Variants in FRMD4A observed in about 807,000 individuals in gnomAD.
FRMD4A encodes FERM domain containing 4A.
FRMD4A carries 29 observed loss-of-function variants against 129.1 expected under a neutral mutation model. The ratio of observed to expected loss-of-function variants is 0.22; its 90% CI spans 0.17 to 0.31. The LOEUF (loss-of-function observed/expected upper bound fraction) is 0.31, where lower values mean the gene tolerates loss of function less well. FRMD4A is among the 10% of genes least tolerant of loss of function. The probability of loss-of-function intolerance (pLI) is 1.00; values close to 1 mark genes in which losing one functional copy is unlikely to be tolerated. For synonymous variants in FRMD4A, 634 were observed against 571.6 expected (o/e 1.11, Z -1.56); for missense variants, 1,272 against 1,375.8 (o/e 0.92, Z 1.19).
At chr10:13,833,383 C>T (rs540068233) in intron 3 of FRMD4A, among the ~76,000 whole-genome samples, 3 of 152,216 alleles carry the variant, frequency 2.0e-5, no homozygotes, top group South Asian at 2.1e-4. Context: ...TGGGGGAAAC[C>T]GTCCCCAGGA....
At chr10:13,865,395 A>AT (rs1411407070) in intron 2 of FRMD4A, among the ~76,000 whole-genome samples, 1 of 128,882 alleles carries the variant, frequency 7.8e-6, no homozygotes, top group Non-Finnish European at 1.8e-5. Flanking sequence ...ACTTTATTTT[A>AT]TTTATTTTAT....
At chr10:13,876,194 G>A (rs2094487580) in intron 2 of FRMD4A, among the ~76,000 whole-genome samples, 1 of 152,200 alleles carries the variant, frequency 6.6e-6, no homozygotes, top group South Asian at 2.1e-4. Context: ...AATAAGTTGT[G>A]ATGTATAAGG....
At chr10:14,016,787 C>A (rs547258643) in intron 2 of FRMD4A, among the ~76,000 whole-genome samples, 2 of 152,306 alleles carry the variant, frequency 1.3e-5, no homozygotes, top group African/African-American at 4.8e-5. Context: ...AATCAGGTGT[C>A]CCAGGATCTC....
chr10:13,657,119 T>C lies in FRMD4A; in HGVS notation c.2470A>G (p.Ser824Gly). 1.3e-6 allele frequency: 2 copies of C among 1,553,166 alleles called. No homozygotes were observed. Among genetic ancestry groups the C allele is most frequent in the Non-Finnish European group, 1.7e-6 (2 of 1,156,214 alleles). Residue 824 changes from serine (S) to glycine (G), a missense_variant, in exon 22 of 25, where the codon AGC becomes GGC. This residue lies in a region of FRMD4A where 972 missense variants were observed against 892.3 expected (regional missense o/e 1.09). Transcript: ENST00000357447. ...GGAGGGVYLH[S>G]QSQPSSQYRI... ...TACTGCGAGCTGGGCTGGCTCTGGCTGTGCAGGTACACACCGCCCCCCGCG... is the reference window on the plus strand; with the variant it reads ...TACTGCGAGCTGGGCTGGCTCTGGCCGTGCAGGTACACACCGCCCCCCGCG...
At chr10:14,205,729 G>A (rs1382450785) in intron 2 of FRMD4A, among the ~76,000 whole-genome samples, 1 of 144,300 alleles carries the variant, frequency 6.9e-6, no homozygotes, top group Non-Finnish European at 1.5e-5. Context: ...ATCACTTGAA[G>A]CTGCGAGGTG....
chr10:14,081,724 G>T (rs536759166), intron 2 of FRMD4A, among the ~76,000 whole-genome samples: 53 of 152,262 alleles, frequency 3.5e-4, no homozygotes, highest in African/African-American at 1.2e-3. Context: ...GATCCCTGCT[G>T]CCCTCCTAGC....
intron 2 of FRMD4A, among the ~76,000 whole-genome samples, chr10:14,037,826 A>G (rs1833572708): frequency 1.3e-5 from 2 of 152,170 alleles, no homozygotes. Flanking sequence ...ATGGCATCTC[A>G]TTTTTATTTC....
chr10:14,039,775 T>C (rs1217280793), intron 2 of FRMD4A, among the ~76,000 whole-genome samples: 7 of 151,848 alleles, frequency 4.6e-5, no homozygotes, highest in Admixed American at 3.3e-4. Context: ...CCAATGTGCA[T>C]CTTACATATA....
intron 2 of FRMD4A, among the ~76,000 whole-genome samples, chr10:13,934,883 G>T (rs1438064841): frequency 6.6e-6 from 1 of 152,146 alleles, no homozygotes; most frequent in Non-Finnish European, 1.5e-5. Context: ...ATTGCTAACA[G>T]TTCTGGGGGC....
intron 12 of FRMD4A, among the ~76,000 whole-genome samples, chr10:13,712,387 G>A (rs1470163633): frequency 2.0e-5 from 3 of 152,052 alleles, no homozygotes; most frequent in African/African-American, 4.8e-5. Flanking sequence ...AGTGGCACGC[G>A]CCTGTAATCC....
chr10:14,092,671 C>A (rs1196936758), intron 2 of FRMD4A, among the ~76,000 whole-genome samples: 14 of 152,190 alleles, frequency 9.2e-5, no homozygotes, highest in Admixed American at 8.5e-4. Flanking sequence ...CGTGGTGACC[C>A]ACTTAGTGGA....
chr10:13,665,672 G>A (rs1206099682), intron 18 of FRMD4A, among the ~76,000 whole-genome samples: 4 of 152,172 alleles, frequency 2.6e-5, no homozygotes, highest in South Asian at 4.1e-4. Flanking sequence ...GTGGGTTGGC[G>A]GGGGCCGCTC....
At chr10:14,328,710 C>T (rs1246820665) in intron 2 of FRMD4A, among the ~76,000 whole-genome samples, 1 of 151,654 alleles carries the variant, frequency 6.6e-6, no homozygotes, top group African/African-American at 2.4e-5. Flanking sequence ...CCCAGGTTCC[C>T]AGAAGTCTCC....
intron 2 of FRMD4A, among the ~76,000 whole-genome samples, chr10:14,221,202 C>T (rs1475969600): frequency 6.6e-6 from 1 of 152,120 alleles, no homozygotes; most frequent in Admixed American, 6.5e-5. Context: ...AGGGGGCTGC[C>T]CTACTGCCCT....
At chr10:14,186,005 GT>G (rs1377566700) in intron 2 of FRMD4A, among the ~76,000 whole-genome samples, 2 of 152,174 alleles carry the variant, frequency 1.3e-5, no homozygotes, top group African/African-American at 4.8e-5. Context: ...AGGGTCCATG[GT>G]GATGGAGCAC....
At chr10:14,169,321 C>A (rs936333002) in intron 2 of FRMD4A, among the ~76,000 whole-genome samples, 1 of 152,130 alleles carries the variant, frequency 6.6e-6, no homozygotes, top group Admixed American at 6.5e-5. Context: ...TATTTACCAT[C>A]CCTAGTGTAA....
At chr10:13,685,264 A>G in intron 15 of FRMD4A, 2 of 985,292 alleles carry the variant, frequency 2.0e-6, no homozygotes, top group Non-Finnish European at 2.4e-6. Context: ...GCACCTTTTG[A>G]TGGTGGCTGG....
intron 2 of FRMD4A, among the ~76,000 whole-genome samples, chr10:14,110,021 C>T (rs1330431215): frequency 7.2e-6 from 1 of 139,702 alleles, no homozygotes; most frequent in Non-Finnish European, 1.5e-5. Flanking sequence ...GTTTTCAACT[C>T]GGGAGGCTGA....
chr10:14,036,760 A>G (rs373197248), intron 2 of FRMD4A, among the ~76,000 whole-genome samples: 1 of 151,998 alleles, frequency 6.6e-6, no homozygotes, highest in African/African-American at 2.4e-5. Flanking sequence ...ATTTTTTTGT[A>G]TTTTTAGTAG....
Sources: gnomAD v4.1 joint callset for allele counts (sites outside exome capture counted in the v4.1 genomes callset) on GRCh38, gnomAD v4.1.1 for gene constraint, gnomAD v4.1.1 regional missense constraint, MANE v1.5 for transcripts, NCBI Gene and HGNC (gene_info 2026-07-23, HGNC 2026-07-21) for gene names.